Variants in NOP58 observed in about 807,000 individuals in gnomAD.
NOP58 encodes the protein nucleolar protein 58.
NOP58 carries 44 observed loss-of-function variants against 71.2 expected under a neutral mutation model. The ratio of observed to expected loss-of-function variants is 0.62; its 90% CI spans 0.49 to 0.79. The LOEUF (loss-of-function observed/expected upper bound fraction) is 0.79. NOP58 is among the 30% of genes least tolerant of loss of function. NOP58 has a pLI of 0.00. For missense variants in NOP58, 538 were observed against 620.2 expected (o/e 0.87, Z 1.41); for synonymous variants, 228 against 200.3 (o/e 1.14, Z -1.17).
At chr2:202,297,152 A>T (rs561156626) in intron 10 of NOP58, among the ~76,000 whole-genome samples, 1 of 152,338 alleles carries the variant, frequency 6.6e-6, no homozygotes, top group East Asian at 1.9e-4. Flanking sequence ...TTTTTAAAAA[A>T]ACCTAGTTTG....
intron 5 of NOP58, among the ~76,000 whole-genome samples, chr2:202,285,691 C>T (rs1358521776): frequency 1.3e-5 from 2 of 151,992 alleles, no homozygotes; most frequent in African/African-American, 4.8e-5. Context: ...CATTAGAAGT[C>T]CCTTAGAATA....
chr2:202,297,813 A>C (rs201751297), intron 11 of NOP58, 32 bp from the exon 12 acceptor site: 1 of 1,238,404 alleles, frequency 8.1e-7, no homozygotes, highest in South Asian at 1.3e-5. Context: ...ATGACTTAGA[A>C]GTGTATTTGT....
At chr2:202,274,321 G>A (rs1248945398) in intron 1 of NOP58, among the ~76,000 whole-genome samples, 1 of 151,948 alleles carries the variant, frequency 6.6e-6, no homozygotes, top group Admixed American at 6.6e-5. Context: ...TCTGCCTCCG[G>A]GTTCAAGCAA....
At chr2:202,275,332 A>G in intron 2 of NOP58, 143 bp downstream of exon 2, 1 of 568,174 alleles carries the variant, frequency 1.8e-6, no homozygotes, top group African/African-American at 1.9e-5. Context: ...GTATGAACCT[A>G]ATTATTACAA....
At position 202,286,214 on chromosome 2, in the gene NOP58, C is replaced by T. The variant is rs181004587; in HGVS notation, c.435-1446C>T. Among the ~76,000 whole-genome samples, 47 of 140,194 alleles carry T rather than the reference C, an allele frequency of 3.4e-4. 1 individual carries two copies. The East Asian group carries it at 7.1e-3, about 21-fold the overall frequency. 92.0% of individuals were successfully genotyped at this position (140,194 alleles called of 152,430 possible). ...AAAAAAAAAAAGGGAGAAAGAAACA[C>T]TATAGGCCAGGCGCAGTGGCTCACG... is the stretch of plus-strand genomic sequence containing the variant. On this transcript the variant is annotated intron_variant, in intron 5 of 14. Transcript: ENST00000264279.
intron 12 of NOP58, among the ~76,000 whole-genome samples, chr2:202,298,308 A>T (rs1410077046): frequency 1.3e-5 from 2 of 152,146 alleles, no homozygotes; most frequent in African/African-American, 4.8e-5. Flanking sequence ...CCAGATATTG[A>T]TAGTAAATTT....
chr2:202,285,863 T>A (rs1688776733), intron 5 of NOP58, among the ~76,000 whole-genome samples: 1 of 152,148 alleles, frequency 6.6e-6, no homozygotes, highest in Non-Finnish European at 1.5e-5. Flanking sequence ...AATAAAATTA[T>A]TACCACAGTT....
chr2:202,287,741 C>T lies in NOP58; in HGVS notation c.499+17C>T, dbSNP rs752905793. On this transcript the variant is annotated intron_variant, in intron 6 of 14. Coordinates refer to ENST00000264279, the MANE Select transcript of NOP58 (RefSeq NM_015934.5). ...AGGCAATTTGTAAGTATAGTACATG[C>T]AAAGTCCGATTTGTTGCTCTGTCCT... The T allele has an allele frequency of 1.9e-6, 3 of 1,570,182 alleles. No individual in the cohort carries two copies. The highest frequency in any genetic ancestry group is 2.6e-6 in the Non-Finnish European group (3 of 1,140,238).
chr2:202,287,595 A>C lies in NOP58; in HGVS notation c.435-65A>C. 2.4e-6 allele frequency: 3 copies of C among 1,251,378 alleles called. No homozygotes were observed. The South Asian group carries it at 3.7e-5, about 16-fold the overall frequency. The allele number at this position is 1,251,378 out of a possible 1,614,324, so 77.5% of individuals were successfully genotyped here. Reference sequence around the variant, plus strand: ...AAAACAAAAACAAAAAAAAACTTTAAGGTGTTAATTTAAATGCTTTTCCTA... The same window carrying C: ...AAAACAAAAACAAAAAAAAACTTTACGGTGTTAATTTAAATGCTTTTCCTA... On this transcript the variant is annotated intron_variant, in intron 5 of 14. Transcript: ENST00000264279.
chr2:202,286,370 TGGC>T (rs1230059234), intron 5 of NOP58, among the ~76,000 whole-genome samples: 3 of 149,434 alleles, frequency 2.0e-5, no homozygotes, highest in African/African-American at 7.4e-5. Context: ...CCAGGCATGG[TGGC>T]GGGCGCCTGT....
At chr2:202,284,572 G>T in intron 5 of NOP58, 91 bp downstream of exon 5, 1 of 1,342,536 alleles carries the variant, frequency 7.4e-7, no homozygotes, top group East Asian at 2.3e-5. Context: ...ATGCTCATTT[G>T]AACCACATCA....
At chr2:202,269,021 G>C (rs992307063) in intron 1 of NOP58, among the ~76,000 whole-genome samples, 2 of 151,842 alleles carry the variant, frequency 1.3e-5, no homozygotes, top group African/African-American at 4.8e-5. Flanking sequence ...GCAGGGTCTT[G>C]CTCTGTCACC....
At chr2:202,274,352 G>A (rs1010337310) in intron 1 of NOP58, among the ~76,000 whole-genome samples, 8 of 150,864 alleles carry the variant, frequency 5.3e-5, no homozygotes, top group East Asian at 3.9e-4. Flanking sequence ...TCAGCCTCCC[G>A]AGTGGCGGGG....
At chr2:202,275,449 G>A (rs545958780) in intron 2 of NOP58, 7 of 337,652 alleles carry the variant, frequency 2.1e-5, no homozygotes, top group South Asian at 4.8e-5. Flanking sequence ...TTTAAACCTC[G>A]GATAGTACCA....
chr2:202,274,993 C>T (rs1245204454), intron 1 of NOP58, 120 bp from the exon 2 acceptor site: 10 of 542,612 alleles, frequency 1.8e-5, no homozygotes, highest in Non-Finnish European at 3.2e-5. Flanking sequence ...AGTTCATTAT[C>T]TTAGTGAAAG....
Position 202,303,576 on chromosome 2 carries a change from A to G in NOP58, c.*140A>G, listed in dbSNP as rs1176110261. On this transcript the variant is annotated 3_prime_UTR_variant, in exon 15 of 15. Coordinates refer to ENST00000264279, the MANE Select transcript of NOP58 (RefSeq NM_015934.5). Reference sequence around the variant, plus strand: ...ATTTATCATCTATAACTTCAAACCTATTTGTCTTGACATCAACTCTGTTAA... The same window carrying G: ...ATTTATCATCTATAACTTCAAACCTGTTTGTCTTGACATCAACTCTGTTAA... The G allele has an allele frequency of 9.2e-6, 10 of 1,091,156 alleles. No individual in the cohort carries two copies. Among genetic ancestry groups the G allele is most frequent in the Non-Finnish European group, 1.2e-5 (10 of 801,148 alleles). The allele number at this position is 1,091,156 out of a possible 1,614,324, so 67.6% of individuals were successfully genotyped here. A position where few individuals can be genotyped will look rare whatever the true frequency, so the allele number is the denominator to read the frequency against.
At chr2:202,266,083 G>C (rs1450863286) in intron 1 of NOP58, 97 bp downstream of exon 1, 1 of 1,415,134 alleles carries the variant, frequency 7.1e-7, no homozygotes, top group Non-Finnish European at 1.0e-6. Context: ...AGTAGCGTGG[G>C]TGCCTGTTAT....
intron 5 of NOP58, among the ~76,000 whole-genome samples, chr2:202,285,566 C>A (rs2105846643): frequency 6.6e-6 from 1 of 152,010 alleles, no homozygotes; most frequent in Non-Finnish European, 1.5e-5. Context: ...GGCTGGAACT[C>A]CCAGGCTCAA....
At chr2:202,281,480 AGGCTGCTGGAGTACAGC>A (rs1559262115) in intron 3 of NOP58, among the ~76,000 whole-genome samples, 1 of 152,102 alleles carries the variant, frequency 6.6e-6, no homozygotes, top group African/African-American at 2.4e-5. Context: ...GTCTGTCACC[AGGCTGCTGGAGTACAGC>A]GGCATGATCA....
Sources: gnomAD v4.1 joint callset for allele counts (sites outside exome capture counted in the v4.1 genomes callset) on GRCh38, gnomAD v4.1.1 for gene constraint, MANE v1.5 for transcripts, NCBI Gene and HGNC (gene_info 2026-07-23, HGNC 2026-07-21) for gene names.